KIAA0825: variants seen among roughly 807,000 people sequenced by gnomAD.
KIAA0825 encodes uncharacterized protein KIAA0825.
KIAA0825 carries 119 observed loss-of-function variants against 147.6 expected under a neutral mutation model. That is an observed-to-expected ratio of 0.81 (90% CI 0.69 to 0.94). The LOEUF (loss-of-function observed/expected upper bound fraction) is 0.94. Ranked by LOEUF, KIAA0825 falls within the 40% of genes least tolerant of loss-of-function variation. The pLI, the probability that KIAA0825 is intolerant of heterozygous loss-of-function variation, is 0.00. For missense variants in KIAA0825, 1,381 were observed against 1,472.7 expected, an observed-to-expected ratio of 0.94 and a Z score of 1.02; for synonymous variants, 470 against 518.1, an observed-to-expected ratio of 0.91 and a Z score of 1.26.
rs1584998562 is a variant in KIAA0825 at position 94,595,985 on chromosome 5, C to A, written c.-152-13402G>T. Among the ~76,000 whole-genome samples, 6 of 152,180 alleles carry A rather than the reference C, an allele frequency of 3.9e-5. No individual in the cohort carries two copies. The South Asian group carries it at 1.2e-3, about 31-fold the overall frequency. On this transcript the variant is annotated intron_variant, in intron 1 of 20. Transcript: ENST00000682413. The stretch of plus-strand genomic sequence containing the variant: ...TCATCTCCATCTGAGAACACCTCAG[C>A]CTGGACTTTATTGCCAGATGTATAG...
chr5:94,430,713 G>A (rs897529771), intron 14 of KIAA0825, among the ~76,000 whole-genome samples: 1 of 152,090 alleles, frequency 6.6e-6, no homozygotes, highest in Non-Finnish European at 1.5e-5. Context: ...TAACTACTAA[G>A]GAAGATGTAT....
chr5:94,469,858 G>A (rs559350322), intron 10 of KIAA0825, 103 bp downstream of exon 10: 12 of 835,394 alleles, frequency 1.4e-5, no homozygotes, highest in East Asian at 2.9e-5. Flanking sequence ...AACAGCCTTC[G>A]GGTATTAGTA....
At chr5:94,275,099 C>A (rs1777162982) in intron 20 of KIAA0825, among the ~76,000 whole-genome samples, 1 of 152,110 alleles carries the variant, frequency 6.6e-6, no homozygotes, top group Non-Finnish European at 1.5e-5. Flanking sequence ...ATATGCTTGA[C>A]AATACAGTAT....
intron 12 of KIAA0825, among the ~76,000 whole-genome samples, chr5:94,455,524 G>A (rs922064354): frequency 2.6e-5 from 4 of 152,072 alleles, no homozygotes; most frequent in Non-Finnish European, 5.9e-5. Context: ...TAATAGTAAC[G>A]GAGGAACATT....
At chr5:94,316,705 T>C (rs1779694408) in intron 20 of KIAA0825, among the ~76,000 whole-genome samples, 1 of 151,814 alleles carries the variant, frequency 6.6e-6, no homozygotes, top group African/African-American at 2.4e-5. Context: ...CAGGCTTTAG[T>C]TGTTCATCTG....
intron 20 of KIAA0825, among the ~76,000 whole-genome samples, chr5:94,212,634 G>A (rs1373117789): frequency 6.6e-6 from 1 of 152,202 alleles, no homozygotes; most frequent in Non-Finnish European, 1.5e-5. Flanking sequence ...GAGGAATACA[G>A]AGTGGCCCAA....
At chr5:94,263,702 A>G (rs576030242) in intron 20 of KIAA0825, among the ~76,000 whole-genome samples, 2 of 152,100 alleles carry the variant, frequency 1.3e-5, no homozygotes, top group South Asian at 4.2e-4. Flanking sequence ...ATTTTTACAA[A>G]TTCTTCCACC....
chr5:94,214,464 G>C (rs1017234420), intron 20 of KIAA0825, among the ~76,000 whole-genome samples: 28 of 152,094 alleles, frequency 1.8e-4, no homozygotes, highest in African/African-American at 6.8e-4. Context: ...ATCCTCTCCT[G>C]ATGGTAGCAT....
intron 7 of KIAA0825, among the ~76,000 whole-genome samples, chr5:94,473,833 TAC>T (rs1316790325): frequency 6.6e-6 from 1 of 152,218 alleles, no homozygotes; most frequent in East Asian, 1.9e-4. Context: ...AACAGAAAGC[TAC>T]AGTTACTATT....
intron 12 of KIAA0825, among the ~76,000 whole-genome samples, chr5:94,456,257 G>T (rs1003941965): frequency 1.3e-5 from 2 of 152,014 alleles, no homozygotes; most frequent in Admixed American, 6.6e-5. Flanking sequence ...TTATCTGAGG[G>T]CCACTTCATT....
At chr5:94,536,721 C>G (rs1772100223) in intron 3 of KIAA0825, among the ~76,000 whole-genome samples, 1 of 152,226 alleles carries the variant, frequency 6.6e-6, no homozygotes, top group Non-Finnish European at 1.5e-5. Context: ...AGGACATCAA[C>G]ATTGACAAGC....
chr5:94,274,754 T>G (rs559290889), intron 20 of KIAA0825, among the ~76,000 whole-genome samples: 48 of 152,310 alleles, frequency 3.2e-4, no homozygotes, highest in Middle Eastern at 6.8e-3. Flanking sequence ...TGTAGCTTCC[T>G]TTGGGTTGCC....
intron 20 of KIAA0825, among the ~76,000 whole-genome samples, chr5:94,182,250 CTTTTTTTTTTT>C (rs771486226): frequency 5.2e-4 from 20 of 38,288 alleles, no homozygotes; most frequent in African/African-American, 1.0e-3. Flanking sequence ...AATGTCCCTT[CTTTTTTTTTTT>C]TTTTTTTTTT....
At chr5:94,180,775 CT>C (rs1009843111) in intron 20 of KIAA0825, among the ~76,000 whole-genome samples, 4 of 152,072 alleles carry the variant, frequency 2.6e-5, no homozygotes, top group African/African-American at 9.7e-5. Flanking sequence ...GTCTTACATA[CT>C]TTTTTTCAGT....
intron 5 of KIAA0825, among the ~76,000 whole-genome samples, chr5:94,512,302 T>C (rs939151454): frequency 1.4e-4 from 21 of 152,068 alleles, no homozygotes; most frequent in African/African-American, 5.1e-4. Context: ...ACATATCACT[T>C]TTTTTAAGAA....
At chr5:94,582,820 G>A (rs1284012108) in intron 1 of KIAA0825, among the ~76,000 whole-genome samples, 1 of 152,118 alleles carries the variant, frequency 6.6e-6, no homozygotes, top group Non-Finnish European at 1.5e-5. Context: ...GGGCACCTTG[G>A]AAAATGCATA....
intron 20 of KIAA0825, among the ~76,000 whole-genome samples, chr5:94,300,007 A>T (rs1406210654): frequency 1.3e-5 from 2 of 152,070 alleles, no homozygotes; most frequent in African/African-American, 2.4e-5. Context: ...TTCCCTCATG[A>T]CGTCTTATAA....
intron 20 of KIAA0825, among the ~76,000 whole-genome samples, chr5:94,229,518 T>TG (rs34253738): frequency 6.6e-6 from 1 of 150,906 alleles, no homozygotes; most frequent in Non-Finnish European, 1.5e-5. Context: ...TTTTTTTTTT[T>TG]GGTATTAGAT....
intron 20 of KIAA0825, among the ~76,000 whole-genome samples, chr5:94,182,250 C>CTTTTTTTTTTTT (rs771486226): frequency 0.082 from 3,125 of 38,268 alleles, 1,320 homozygotes; most frequent in East Asian, 0.16. Flanking sequence ...AATGTCCCTT[C>CTTTTTTTTTTTT]TTTTTTTTTT....
Sources: allele counts gnomAD v4.1 joint callset (sites outside exome capture counted in the v4.1 genomes callset), GRCh38; gene constraint gnomAD v4.1.1; transcripts MANE v1.5; gene names NCBI Gene and HGNC (gene_info 2026-07-23, HGNC 2026-07-21).